ARB2A: variants seen among roughly 807,000 people sequenced by gnomAD.
The protein encoded by ARB2A is cotranscriptional regulator ARB2A.
the ARB2A span, among the ~76,000 whole-genome samples, chr5:93,819,291 G>A: frequency 1.3e-5 from 2 of 150,884 alleles, no homozygotes; most frequent in Non-Finnish European, 2.9e-5. Context: ...TTTCAAACTT[G>A]GGATAAGAGC....
the ARB2A span, among the ~76,000 whole-genome samples, chr5:93,936,610 G>C: frequency 3.9e-5 from 6 of 152,252 alleles, no homozygotes; most frequent in East Asian, 1.2e-3. Flanking sequence ...TATAATTGTT[G>C]AGTATGGCCA....
At chr5:93,884,905 T>C in the ARB2A span, among the ~76,000 whole-genome samples, 3 of 151,678 alleles carry the variant, frequency 2.0e-5, no homozygotes, top group Non-Finnish European at 4.4e-5. Context: ...ACCACAGATA[T>C]ATAGTAAAAC....
chr5:94,057,871 G>A, the ARB2A span, among the ~76,000 whole-genome samples: 1 of 152,190 alleles, frequency 6.6e-6, no homozygotes, highest in African/African-American at 2.4e-5. Flanking sequence ...ACCCTGTTGA[G>A]CTGATGATAC....
the ARB2A span, among the ~76,000 whole-genome samples, chr5:93,692,059 C>T: frequency 6.6e-6 from 1 of 152,118 alleles, no homozygotes; most frequent in Admixed American, 6.6e-5. Flanking sequence ...TGGTACCTAC[C>T]ACTGCAAAAA....
At chr5:93,748,025 T>C in the ARB2A span, among the ~76,000 whole-genome samples, 267 of 152,340 alleles carry the variant, frequency 1.8e-3, 1 homozygote, top group African/African-American at 5.4e-3. Context: ...ATCTAGTTAA[T>C]GTCCAGTTAG....
At chr5:93,677,593 GA>G in the ARB2A span, among the ~76,000 whole-genome samples, 1 of 152,318 alleles carries the variant, frequency 6.6e-6, no homozygotes. Context: ...AGGCTATTGT[GA>G]GGTCATGAGA....
the ARB2A span, among the ~76,000 whole-genome samples, chr5:93,871,598 T>C: frequency 2.0e-5 from 3 of 152,210 alleles, no homozygotes; most frequent in African/African-American, 4.8e-5. Flanking sequence ...AGAGGAAATA[T>C]AGAAGCAAGT....
At chr5:93,861,377 G>A in the ARB2A span, 2 of 138,072 alleles carry the variant, frequency 1.4e-5, no homozygotes, top group Non-Finnish European at 3.0e-5. Flanking sequence ...CTTCCTCCAC[G>A]AAACTTGCCC....
At chr5:93,748,892 A>G in the ARB2A span, among the ~76,000 whole-genome samples, 2 of 152,182 alleles carry the variant, frequency 1.3e-5, no homozygotes, top group African/African-American at 2.4e-5. Flanking sequence ...CCTTCTTTTC[A>G]TCATATCACT....
chr5:93,872,192 C>T, the ARB2A span, among the ~76,000 whole-genome samples: 1 of 152,102 alleles, frequency 6.6e-6, no homozygotes, highest in Admixed American at 6.5e-5. Flanking sequence ...AAGTGATCCG[C>T]CTGCCTCGGC....
the ARB2A span, among the ~76,000 whole-genome samples, chr5:93,897,801 G>A: frequency 6.6e-6 from 1 of 151,144 alleles, no homozygotes; most frequent in Non-Finnish European, 1.5e-5. Flanking sequence ...CTAACCCTAG[G>A]AATTCGAACA....
the ARB2A span, among the ~76,000 whole-genome samples, chr5:93,980,159 T>A: frequency 6.6e-6 from 1 of 152,192 alleles, no homozygotes; most frequent in Admixed American, 6.5e-5. Context: ...TAATTCAGTT[T>A]GCTTCTTTGG....
chr5:93,862,790 T>G, the ARB2A span: 1 of 152,216 alleles, frequency 6.6e-6, no homozygotes, highest in South Asian at 2.1e-4. Flanking sequence ...TAACAGAATC[T>G]TGAAAAATCT....
chr5:94,106,684 C>T, the ARB2A span, among the ~76,000 whole-genome samples: 3 of 151,900 alleles, frequency 2.0e-5, no homozygotes, highest in African/African-American at 7.2e-5. Flanking sequence ...CTCATATGTC[C>T]ATCGCAGCAC....
the ARB2A span, among the ~76,000 whole-genome samples, chr5:93,838,833 T>C: frequency 6.6e-6 from 1 of 152,238 alleles, no homozygotes; most frequent in African/African-American, 2.4e-5. Context: ...GTTCCTGATT[T>C]GGCTCTCAGC....
the ARB2A span, among the ~76,000 whole-genome samples, chr5:94,076,173 G>A: frequency 6.6e-6 from 1 of 151,806 alleles, no homozygotes; most frequent in African/African-American, 2.4e-5. Flanking sequence ...CTTCATTTAC[G>A]AAATGTCGCT....
the ARB2A span, among the ~76,000 whole-genome samples, chr5:93,997,545 G>C: frequency 1.3e-5 from 2 of 151,922 alleles, no homozygotes; most frequent in African/African-American, 4.8e-5. Flanking sequence ...CACACTTAAT[G>C]TTAGATTTCA....
At chr5:93,740,529 C>A in the ARB2A span, 1 of 1,527,346 alleles carries the variant, frequency 6.5e-7, no homozygotes, top group South Asian at 1.3e-5. Flanking sequence ...TGGGTTTTCC[C>A]TTCTTCTCCC....
chr5:93,699,196 T>C, the ARB2A span, among the ~76,000 whole-genome samples: 1 of 152,130 alleles, frequency 6.6e-6, no homozygotes, highest in Non-Finnish European at 1.5e-5. Flanking sequence ...ACTCAGGCAG[T>C]ATAGCTTCAG....
Sources: gnomAD v4.1 joint callset for allele counts (sites outside exome capture counted in the v4.1 genomes callset) on GRCh38, gnomAD v4.1.1 for gene constraint, MANE v1.5 for transcripts, NCBI Gene and HGNC (gene_info 2026-07-23, HGNC 2026-07-21) for gene names.